SCFD2: variants seen among roughly 807,000 people sequenced by gnomAD.
The protein encoded by SCFD2 is sec1 family domain-containing protein 2.
SCFD2 carries 54 observed loss-of-function variants against 58.9 expected under a neutral mutation model. That is an observed-to-expected ratio of 0.92 (90% CI 0.74 to 1.15). The LOEUF is 1.15. Ranked by LOEUF, SCFD2 falls within the 50% of genes most tolerant of loss-of-function variation. SCFD2 has a pLI of 0.00. For missense variants in SCFD2, 805 were observed against 836.6 expected (o/e 0.96, Z 0.47); for synonymous variants, 321 against 335.9 (o/e 0.96, Z 0.49).
chr4:52,881,879 T>C (rs914519002), intron 8 of SCFD2, among the ~76,000 whole-genome samples: 12 of 152,104 alleles, frequency 7.9e-5, no homozygotes, highest in African/African-American at 2.9e-4. Flanking sequence ...GCAGACTCTG[T>C]TTGTGGTGCT....
chr4:53,274,069 T>C, intron 3 of SCFD2, 68 bp from the exon 4 acceptor site: 2 of 1,313,166 alleles, frequency 1.5e-6, no homozygotes, highest in Non-Finnish European at 2.1e-6. Flanking sequence ...AAGGATTCCA[T>C]TAATAATACC....
chr4:52,983,355 T>C (rs956844777), intron 5 of SCFD2, among the ~76,000 whole-genome samples: 3 of 152,192 alleles, frequency 2.0e-5, no homozygotes, highest in Non-Finnish European at 4.4e-5. Context: ...GTTAAGTGTT[T>C]CCAAGAGAAG....
intron 5 of SCFD2, among the ~76,000 whole-genome samples, chr4:53,121,640 A>G (rs1725480756): frequency 6.6e-6 from 1 of 152,214 alleles, no homozygotes; most frequent in African/African-American, 2.4e-5. Flanking sequence ...AATTACTGGC[A>G]GAGCCAACTG....
At chr4:52,953,248 G>A (rs1720640860) in intron 5 of SCFD2, among the ~76,000 whole-genome samples, 1 of 152,180 alleles carries the variant, frequency 6.6e-6, no homozygotes, top group Non-Finnish European at 1.5e-5. Context: ...TTTAACTACA[G>A]TAGTTTCCAA....
intron 5 of SCFD2, among the ~76,000 whole-genome samples, chr4:53,131,370 G>C (rs548087960): frequency 6.6e-6 from 1 of 152,284 alleles, no homozygotes; most frequent in South Asian, 2.1e-4. Flanking sequence ...GGCATCTTTA[G>C]AGAGATCTGA....
intron 5 of SCFD2, among the ~76,000 whole-genome samples, chr4:52,942,143 C>T (rs1439981003): frequency 6.6e-6 from 1 of 152,028 alleles, no homozygotes; most frequent in Non-Finnish European, 1.5e-5. Context: ...TTGGAGTATA[C>T]AGAAAGTGGA....
intron 5 of SCFD2, among the ~76,000 whole-genome samples, chr4:52,990,080 T>TTG (rs1179648569): frequency 6.6e-6 from 1 of 152,234 alleles, no homozygotes; most frequent in Non-Finnish European, 1.5e-5. Context: ...AGACAGTAGT[T>TTG]AACTGCAGCA....
chr4:53,288,869 G>C (rs73250952), intron 3 of SCFD2, among the ~76,000 whole-genome samples: 1 of 152,172 alleles, frequency 6.6e-6, no homozygotes, highest in Non-Finnish European at 1.5e-5. Flanking sequence ...TACTATAATG[G>C]TGGTGTGTAA....
intron 2 of SCFD2, among the ~76,000 whole-genome samples, chr4:53,334,667 G>A (rs1733618367): frequency 6.6e-6 from 1 of 151,368 alleles, no homozygotes; most frequent in Admixed American, 6.6e-5. Context: ...CGAGTTAGTG[G>A]GTGCAGCGCA....
At chr4:53,120,477 A>C (rs531150172) in intron 5 of SCFD2, among the ~76,000 whole-genome samples, 49 of 152,342 alleles carry the variant, frequency 3.2e-4, no homozygotes, top group African/African-American at 1.2e-3. Context: ...CAATCTATGA[A>C]GCCCTAGTCC....
At chr4:53,356,848 T>C (rs557785270) in intron 1 of SCFD2, among the ~76,000 whole-genome samples, 52 of 150,830 alleles carry the variant, frequency 3.4e-4, no homozygotes, top group African/African-American at 1.2e-3. Context: ...GCCATTCTCC[T>C]GCCTCAGCCT....
chr4:53,143,849 G>T (rs749233557), intron 5 of SCFD2, among the ~76,000 whole-genome samples: 61 of 150,642 alleles, frequency 4.0e-4, no homozygotes, highest in Non-Finnish European at 3.2e-4. Context: ...TAGAAATGTG[G>T]TACATTTTTA....
chr4:53,114,229 A>G (rs1263943272), intron 5 of SCFD2, among the ~76,000 whole-genome samples: 1 of 152,176 alleles, frequency 6.6e-6, no homozygotes, highest in Non-Finnish European at 1.5e-5. Context: ...GATTTTGTTA[A>G]ATACACACAA....
intron 5 of SCFD2, among the ~76,000 whole-genome samples, chr4:53,120,457 CA>C (rs759384721): frequency 1.1e-4 from 17 of 152,166 alleles, no homozygotes; most frequent in Non-Finnish European, 2.4e-4. Flanking sequence ...AACAAAGATT[CA>C]AACCCTGTCA....
intron 7 of SCFD2, among the ~76,000 whole-genome samples, chr4:52,890,191 G>A (rs908430859): frequency 1.3e-5 from 2 of 152,168 alleles, no homozygotes; most frequent in African/African-American, 2.4e-5. Flanking sequence ...TGAACGTGGT[G>A]CAATATGTTC....
intron 5 of SCFD2, among the ~76,000 whole-genome samples, chr4:53,045,807 C>T (rs1723025101): frequency 6.6e-6 from 1 of 152,088 alleles, no homozygotes; most frequent in Admixed American, 6.6e-5. Flanking sequence ...GCTATCTCAA[C>T]TTAAGATCCT....
At chr4:52,889,195 C>T (rs192791619) in intron 7 of SCFD2, among the ~76,000 whole-genome samples, 2 of 152,274 alleles carry the variant, frequency 1.3e-5, no homozygotes, top group East Asian at 1.9e-4. Context: ...TTTGGCCATA[C>T]CCCATCCATT....
At chr4:53,204,065 G>A (rs1307730108) in intron 4 of SCFD2, among the ~76,000 whole-genome samples, 5 of 152,000 alleles carry the variant, frequency 3.3e-5, no homozygotes, top group Non-Finnish European at 7.4e-5. Context: ...CTCTTTGTGG[G>A]AATATGTCTA....
In SCFD2 at chr4:52,884,433, C is replaced by T. The variant is rs893747628; in HGVS notation, c.1962+1314G>A. On this transcript the variant is annotated intron_variant, in intron 8 of 8. Transcript: ENST00000401642. ...AGGATGAGAGTGGAAGGGAAGACAT[C>T]CCCAGGCTCTCTGACCTCTGGCATG... Among the ~76,000 whole-genome samples the T allele has an allele frequency of 8.6e-4, 76 of 87,932 alleles. 1 individual carries two copies. Among genetic ancestry groups the T allele is most frequent in the African/African-American group, 3.2e-3 (72 of 22,382 alleles). 57.7% of individuals were successfully genotyped at this position (87,932 alleles called of 152,430 possible). A position where few individuals can be genotyped will look rare whatever the true frequency, so the allele number is the denominator to read the frequency against.
Sources: gnomAD v4.1 joint callset for allele counts (sites outside exome capture counted in the v4.1 genomes callset) on GRCh38, gnomAD v4.1.1 for gene constraint, MANE v1.5 for transcripts, NCBI Gene and HGNC (gene_info 2026-07-23, HGNC 2026-07-21) for gene names.